The following RAPGEF4 variants were observed in gnomAD, a reference collection of about 807,000 sequenced individuals.
The protein encoded by RAPGEF4 is Rap guanine nucleotide exchange factor 4.
Under a neutral mutation model 147.9 loss-of-function variants are expected in RAPGEF4, and 66 were observed. The ratio of observed to expected loss-of-function variants is 0.45; its 90% CI spans 0.37 to 0.55. The LOEUF (loss-of-function observed/expected upper bound fraction) is 0.55, where lower values mean the gene tolerates loss of function less well. RAPGEF4 is among the 20% of genes least tolerant of loss of function. The pLI, the probability that RAPGEF4 is intolerant of heterozygous loss-of-function variation, is 0.00. For missense variants in RAPGEF4, 1,071 were observed against 1,257.3 expected (o/e 0.85, Z 2.24); for synonymous variants, 419 against 442.7 (o/e 0.95, Z 0.67).
At chr2:172,866,445 T>C (rs186099661) in intron 4 of RAPGEF4, among the ~76,000 whole-genome samples, 27 of 152,342 alleles carry the variant, frequency 1.8e-4, no homozygotes, top group African/African-American at 6.0e-4. Flanking sequence ...TCCTATTCCT[T>C]AGTCTCTGTA....
In RAPGEF4 at chr2:172,759,433, C is replaced by A. The variant is rs1696086171; in HGVS notation, c.65+23385C>A. On this transcript the variant is annotated intron_variant, in intron 1 of 30. Coordinates refer to ENST00000397081, the MANE Select transcript of RAPGEF4 (RefSeq NM_007023.4). ...GGCAAGGGGGAGGATGACATGGATG[C>A]AATTATGAAATTAGGGTGTTATTTC... Among the ~76,000 whole-genome samples, 6 of 152,018 alleles carry A rather than the reference C, an allele frequency of 3.9e-5. No individual in the cohort carries two copies. In the South Asian group the frequency reaches 1.2e-3, roughly 32 times the overall value.
chr2:172,756,217 G>T (rs1462714478), intron 1 of RAPGEF4, among the ~76,000 whole-genome samples: 2 of 152,212 alleles, frequency 1.3e-5, no homozygotes, highest in Admixed American at 6.5e-5. Context: ...AGTTTAGAAA[G>T]AATTTTAACA....
chr2:172,896,729 T>C (rs1698516668), intron 4 of RAPGEF4, among the ~76,000 whole-genome samples: 1 of 152,234 alleles, frequency 6.6e-6, no homozygotes, highest in Admixed American at 6.5e-5. Flanking sequence ...AAGCAAAGCA[T>C]AATTTTCCTC....
chr2:172,976,672 G>A (rs1691109330), intron 10 of RAPGEF4, among the ~76,000 whole-genome samples: 1 of 152,186 alleles, frequency 6.6e-6, no homozygotes, highest in Admixed American at 6.5e-5. Flanking sequence ...CTAAAGGACT[G>A]GAATATTTGC....
intron 4 of RAPGEF4, among the ~76,000 whole-genome samples, chr2:172,912,003 G>A (rs1700144045): frequency 6.6e-6 from 1 of 152,044 alleles, no homozygotes. Context: ...CTGGCCTCAA[G>A]CAATCCTCCC....
At chr2:172,783,938 T>C (rs1410155780) in intron 1 of RAPGEF4, among the ~76,000 whole-genome samples, 1 of 152,098 alleles carries the variant, frequency 6.6e-6, no homozygotes, top group African/African-American at 2.4e-5. Flanking sequence ...AAAAAAGAAA[T>C]GAGAAGAAAC....
At chr2:172,850,280 AT>A (rs1371290369) in intron 4 of RAPGEF4, among the ~76,000 whole-genome samples, 3 of 152,052 alleles carry the variant, frequency 2.0e-5, no homozygotes, top group Non-Finnish European at 4.4e-5. Flanking sequence ...TTAAATGTCA[AT>A]TTTTTTGCTT....
chr2:172,878,465 C>T (rs973112603), intron 4 of RAPGEF4, among the ~76,000 whole-genome samples: 3 of 152,102 alleles, frequency 2.0e-5, no homozygotes, highest in Non-Finnish European at 2.9e-5. Context: ...CAGATGGCAG[C>T]TGTCCAGATT....
intron 1 of RAPGEF4, among the ~76,000 whole-genome samples, chr2:172,759,242 T>C (rs1300611089): frequency 2.0e-5 from 3 of 152,308 alleles, no homozygotes; most frequent in Admixed American, 6.5e-5. Flanking sequence ...TCAAATGGTA[T>C]TGTGAAGAAG....
intron 16 of RAPGEF4, among the ~76,000 whole-genome samples, chr2:172,998,633 A>T (rs1286192798): frequency 6.6e-6 from 1 of 152,180 alleles, no homozygotes; most frequent in East Asian, 1.9e-4. Flanking sequence ...GATAAGAACT[A>T]TGCTGGAGAA....
intron 20 of RAPGEF4, 56 bp from the exon 21 acceptor site, chr2:173,017,370 T>C (rs1695601646): frequency 3.3e-6 from 5 of 1,529,426 alleles, no homozygotes; most frequent in Non-Finnish European, 2.7e-6. Context: ...TTCTCTGAGA[T>C]GCTAGCATGC....
chr2:173,011,170 G>GCGCGCGCACGCA (rs564434178), intron 17 of RAPGEF4, among the ~76,000 whole-genome samples: 1 of 133,500 alleles, frequency 7.5e-6, no homozygotes, highest in African/African-American at 2.9e-5. Flanking sequence ...GCGCGCGCGC[G>GCGCGCGCACGCA]CACACACACA....
At chr2:172,854,867 T>G (rs1693239512) in intron 4 of RAPGEF4, among the ~76,000 whole-genome samples, 1 of 152,192 alleles carries the variant, frequency 6.6e-6, no homozygotes, top group African/African-American at 2.4e-5. Flanking sequence ...AGCCTCAGAC[T>G]GCAGCACAGT....
At chr2:172,797,966 C>T (rs1188071095) in intron 3 of RAPGEF4, among the ~76,000 whole-genome samples, 1 of 152,144 alleles carries the variant, frequency 6.6e-6, no homozygotes, top group Non-Finnish European at 1.5e-5. Context: ...TCCTATGTTT[C>T]CTCTTGGATC....
intron 17 of RAPGEF4, among the ~76,000 whole-genome samples, chr2:173,012,805 G>C (rs1405570848): frequency 6.6e-6 from 1 of 152,138 alleles, no homozygotes; most frequent in African/African-American, 2.4e-5. Flanking sequence ...AATCAGTCAA[G>C]ACTTTCCTAT....
intron 1 of RAPGEF4, among the ~76,000 whole-genome samples, chr2:172,749,882 C>G (rs571579854): frequency 6.6e-6 from 1 of 152,220 alleles, no homozygotes; most frequent in Non-Finnish European, 1.5e-5. Flanking sequence ...TAAATCATCC[C>G]CCTCAAATTC....
intron 5 of RAPGEF4, among the ~76,000 whole-genome samples, chr2:172,919,950 C>G (rs1213659467): frequency 6.6e-6 from 1 of 152,126 alleles, no homozygotes; most frequent in East Asian, 1.9e-4. Context: ...TCAGTTCCCT[C>G]TGCAGCCACC....
chr2:172,980,311 A>T lies in RAPGEF4; in HGVS notation c.1005-3185A>T, dbSNP rs10497390. ...GGTGGTCCTTGTGAGTTATCTAGGAAGAGATGGCCAGGAAGCCCTTGGAAC... is the reference window on the plus strand; with the variant it reads ...GGTGGTCCTTGTGAGTTATCTAGGATGAGATGGCCAGGAAGCCCTTGGAAC... On this transcript the variant is annotated intron_variant, in intron 10 of 30. Coordinates refer to ENST00000397081, the MANE Select transcript of RAPGEF4 (RefSeq NM_007023.4). Among the ~76,000 whole-genome samples the T allele has an allele frequency of 3.9e-5, 6 of 152,190 alleles. No individual in the cohort carries two copies. The South Asian group carries it at 8.3e-4, about 21-fold the overall frequency.
rs143880317 is a variant in RAPGEF4 at position 172,941,450 on chromosome 2, G to A, written c.537+19150G>A. ...TATTCTTTAGTTTTATTATTTTCAC[G>A]ATAAAGATGAAAAATATTCACTTCA... On this transcript the variant is annotated intron_variant, in intron 6 of 30. Coordinates refer to ENST00000397081, the MANE Select transcript of RAPGEF4 (RefSeq NM_007023.4). 6.1e-3 allele frequency among the ~76,000 whole-genome samples: 926 copies of A among 151,968 alleles called. 14 individuals are homozygous for A. The highest frequency in any genetic ancestry group is 0.021 in the African/African-American group (872 of 41,460).
Sources: allele counts gnomAD v4.1 joint callset (sites outside exome capture counted in the v4.1 genomes callset), GRCh38; gene constraint gnomAD v4.1.1; transcripts MANE v1.5; gene names NCBI Gene and HGNC (gene_info 2026-07-23, HGNC 2026-07-21).